The following NOTCH3 variants were observed in gnomAD, a reference collection of about 807,000 sequenced individuals.
The protein encoded by NOTCH3 is neurogenic locus notch homolog protein 3.
NOTCH3 carries 86 observed loss-of-function variants against 213.3 expected under a neutral mutation model. That is an observed-to-expected ratio of 0.40 (90% CI 0.34 to 0.48). NOTCH3 has a LOEUF of 0.48. Ranked by LOEUF, NOTCH3 falls within the 20% of genes least tolerant of loss-of-function variation. NOTCH3 has a pLI of 0.57. For missense variants in NOTCH3, 2,783 were observed against 3,272.6 expected, an observed-to-expected ratio of 0.85 and a Z score of 3.65; for synonymous variants, 1,354 against 1,355.9, an observed-to-expected ratio of 1.00 and a Z score of 0.03.
At chr19:15,162,991 C>A (rs1043451280) in intron 31 of NOTCH3, among the ~76,000 whole-genome samples, 2 of 152,188 alleles carry the variant, frequency 1.3e-5, no homozygotes, top group African/African-American at 4.8e-5. Flanking sequence ...GCAACCTCTA[C>A]CTGCTGGGCT....
At position 15,180,639 on chromosome 19, in the gene NOTCH3, CT is replaced by C. The variant is rs1241037520; in HGVS notation, c.3142+41del. On this transcript the variant is annotated intron_variant, in intron 19 of 32. Coordinates refer to ENST00000263388, the MANE Select transcript of NOTCH3 (RefSeq NM_000435.3). ...TAGCAGGAGGTACGTGCATGAGCCC[CT>C]TCCCAAGGCCCCACACGCCCGCCCA... The C allele has an allele frequency of 2.6e-6, 4 of 1,540,864 alleles. No individual in the cohort carries two copies. In the African/African-American group the frequency reaches 5.5e-5, roughly 21 times the overall value.
intron 6 of NOTCH3, among the ~76,000 whole-genome samples, chr19:15,189,807 C>T (rs1006487894): frequency 7.2e-5 from 11 of 152,130 alleles, no homozygotes; most frequent in African/African-American, 2.7e-4. Context: ...GCGTGAGCCA[C>T]CGCGCCCGGC....
At chr19:15,199,572 T>C (rs2046994927) in intron 1 of NOTCH3, among the ~76,000 whole-genome samples, 2 of 152,162 alleles carry the variant, frequency 1.3e-5, no homozygotes, top group South Asian at 4.1e-4. Context: ...GTGTGAGCTG[T>C]GTGCGTGCAG....
Position 15,178,947 on chromosome 19 carries a change from C to T in NOTCH3, c.3719-6G>A, listed in dbSNP as rs377548417. On this transcript the variant is annotated splice_region_variant and splice_polypyrimidine_tract_variant and intron_variant, in intron 22 of 32. Coordinates refer to ENST00000263388, the MANE Select transcript of NOTCH3 (RefSeq NM_000435.3). ...GACAGTCTGACAGCGAGGACCTGAGCGAGCGGGAGCATGTAGATCAGCCAC... is the reference window on the plus strand; with the variant it reads ...GACAGTCTGACAGCGAGGACCTGAGTGAGCGGGAGCATGTAGATCAGCCAC... The T allele has an allele frequency of 1.8e-5, 29 of 1,613,914 alleles. No individual in the cohort carries two copies. The highest frequency in any genetic ancestry group is 1.9e-5 in the Non-Finnish European group (23 of 1,179,982).
intron 2 of NOTCH3, among the ~76,000 whole-genome samples, chr19:15,197,073 T>TC (rs1458099645): frequency 2.0e-5 from 3 of 152,102 alleles, no homozygotes; most frequent in African/African-American, 4.8e-5. Context: ...GCCTCCTATG[T>TC]CCCCCTCCAC....
At chr19:15,176,148 G>A (rs1004550479) in intron 24 of NOTCH3, among the ~76,000 whole-genome samples, 2 of 150,302 alleles carry the variant, frequency 1.3e-5, no homozygotes, top group African/African-American at 4.9e-5. Flanking sequence ...GTACACAGAG[G>A]AACAAAAGCA....
At chr19:15,194,512 C>T (rs573500287) in intron 2 of NOTCH3, among the ~76,000 whole-genome samples, 289 of 152,122 alleles carry the variant, frequency 1.9e-3, no homozygotes, top group Non-Finnish European at 3.1e-3. Context: ...TTAGAGCAGC[C>T]GTAGGAAGCT....
At chr19:15,195,076 T>C (rs927164788) in intron 2 of NOTCH3, among the ~76,000 whole-genome samples, 6 of 151,586 alleles carry the variant, frequency 4.0e-5, no homozygotes, top group Admixed American at 3.9e-4. Context: ...GACACACCAA[T>C]TGGACGCCAT....
At chr19:15,178,766 T>C in intron 23 of NOTCH3, 57 bp downstream of exon 23, 1 of 1,237,114 alleles carries the variant, frequency 8.1e-7, no homozygotes, top group Non-Finnish European at 1.2e-6. Flanking sequence ...GCCACGCCCC[T>C]ACTACTCCAG....
intron 24 of NOTCH3, among the ~76,000 whole-genome samples, chr19:15,175,549 A>AAT (rs2046780631): frequency 1.8e-5 from 1 of 54,410 alleles, no homozygotes; most frequent in Non-Finnish European, 4.0e-5. Flanking sequence ...AAAAAAAAAA[A>AAT]AAAATACATA....
chr19:15,189,240 C>T lies in NOTCH3; in HGVS notation c.1192+33G>A, dbSNP rs200024313. 1.7e-5 allele frequency: 27 copies of T among 1,613,854 alleles called. 1 individual carries two copies. In the African/African-American group the frequency reaches 2.4e-4, roughly 14 times the overall value. On this transcript the variant is annotated intron_variant, in intron 7 of 32. Coordinates refer to ENST00000263388, the MANE Select transcript of NOTCH3 (RefSeq NM_000435.3). ...GGACCCCCTCCTCTCCCCTCTTTCCCAGCCCATTCACAGACGATGGAGCTC... is the reference window on the plus strand; with the variant it reads ...GGACCCCCTCCTCTCCCCTCTTTCCTAGCCCATTCACAGACGATGGAGCTC...
rs749913764 is a variant in NOTCH3 at position 15,160,618 on chromosome 19, G to T, written c.*44C>A. The T allele has an allele frequency of 4.3e-6, 6 of 1,400,312 alleles. No individual in the cohort carries two copies. The highest frequency in any genetic ancestry group is 6.1e-6 in the Non-Finnish European group (6 of 985,038). 86.7% of individuals were successfully genotyped at this position (1,400,312 alleles called of 1,614,324 possible). ...GACAGAGAAAGAAAGGAGGCAGGAC[G>T]GGGGTCTCTTTAGGCCCCCAAGATC... On this transcript the variant is annotated 3_prime_UTR_variant, in exon 33 of 33. Coordinates refer to ENST00000263388, the MANE Select transcript of NOTCH3 (RefSeq NM_000435.3).
chr19:15,182,733 C>T (rs535965407), intron 16 of NOTCH3, among the ~76,000 whole-genome samples: 35 of 152,038 alleles, frequency 2.3e-4, no homozygotes, highest in African/African-American at 5.3e-4. Flanking sequence ...ACCTCCGCCT[C>T]CCGGGTTCAA....
intron 20 of NOTCH3, 43 bp from the exon 21 acceptor site, chr19:15,179,539 A>G: frequency 6.2e-7 from 1 of 1,608,732 alleles, no homozygotes; most frequent in South Asian, 1.1e-5. Flanking sequence ...TTAGTGGGAC[A>G]CAGACCCACC....
Position 15,184,922 on chromosome 19 carries a change from G to T in NOTCH3, c.2394C>A (p.Cys798Ter). 5 of 1,548,178 alleles carry T rather than the reference G, an allele frequency of 3.2e-6. No individual in the cohort carries two copies. The highest frequency in any genetic ancestry group is 4.4e-6 in the Non-Finnish European group (5 of 1,144,364). The change falls in exon 15 of 33, where the codon TGC (cysteine) becomes TGA (stop). Residue 798 changes from cysteine (C) to a stop codon, truncating the protein, a stop_gained. Coordinates refer to ENST00000263388, the MANE Select transcript of NOTCH3 (RefSeq NM_000435.3). LOFTEE classifies it high-confidence loss of function. ...GTGGCATACCTTGCCAGCCCTGGGG[G>T]CAGGAGCAGACAGGCAGCTGGCCAG... Reference protein sequence around the residue: ...SAPGQLPVCSCPQGWQGPRCQ... With the variant: ...SAPGQLPVCS
At chr19:15,173,140 G>A (rs1355217520) in intron 25 of NOTCH3, among the ~76,000 whole-genome samples, 1 of 127,454 alleles carries the variant, frequency 7.8e-6, no homozygotes, top group African/African-American at 2.9e-5. Flanking sequence ...AGAGATCGGA[G>A]GCCGGGCATG....
intron 16 of NOTCH3, among the ~76,000 whole-genome samples, chr19:15,182,288 C>T (rs2046847430): frequency 1.3e-5 from 2 of 152,098 alleles, no homozygotes; most frequent in Admixed American, 1.3e-4. Flanking sequence ...GGGCAGATCA[C>T]TTGAGCTCAG....
chr19:15,180,908 C>T (rs2046834675), intron 18 of NOTCH3, 53 bp downstream of exon 18: 3 of 1,588,124 alleles, frequency 1.9e-6, no homozygotes, highest in African/African-American at 1.3e-5. Context: ...TGGCTTCTCC[C>T]TCCTAGGATC....
chr19:15,164,763 G>A (rs1317749958), intron 31 of NOTCH3, among the ~76,000 whole-genome samples: 1 of 149,028 alleles, frequency 6.7e-6, no homozygotes, highest in Non-Finnish European at 1.5e-5. Context: ...CCTGCCCCCA[G>A]CCCCCAGAGC....
Sources: gnomAD v4.1 joint callset for allele counts (sites outside exome capture counted in the v4.1 genomes callset) on GRCh38, gnomAD v4.1.1 for gene constraint, MANE v1.5 for transcripts, NCBI Gene and HGNC (gene_info 2026-07-23, HGNC 2026-07-21) for gene names.